Variants in ARHGAP24 observed in about 807,000 individuals in gnomAD.
ARHGAP24 encodes the protein rho GTPase-activating protein 24.
Under a neutral mutation model 76.4 loss-of-function variants are expected in ARHGAP24, and 50 were observed. The observed-to-expected ratio is 0.65, with a 90% CI of 0.52 to 0.83. The LOEUF is 0.83. Ranked by LOEUF, ARHGAP24 falls within the 40% of genes least tolerant of loss-of-function variation. The pLI is 0.00. For synonymous variants in ARHGAP24, 345 were observed against 323.3 expected, an observed-to-expected ratio of 1.07 and a Z score of -0.72; for missense variants, 930 against 914.2, an observed-to-expected ratio of 1.02 and a Z score of -0.22.
intron 1 of ARHGAP24, among the ~76,000 whole-genome samples, chr4:85,497,373 A>C (rs887391363): frequency 6.6e-6 from 1 of 152,204 alleles, no homozygotes; most frequent in Non-Finnish European, 1.5e-5. Context: ...AATAATACTT[A>C]TTTCTCAGAA....
intron 2 of ARHGAP24, among the ~76,000 whole-genome samples, chr4:85,664,797 T>C (rs554744042): frequency 2.0e-5 from 3 of 152,294 alleles, no homozygotes; most frequent in Non-Finnish European, 4.4e-5. Flanking sequence ...GAGCAGGTTG[T>C]TCAGTTTCCA....
chr4:85,718,137 A>G (rs1040402403), intron 2 of ARHGAP24, among the ~76,000 whole-genome samples: 1 of 152,148 alleles, frequency 6.6e-6, no homozygotes, highest in Admixed American at 6.6e-5. Context: ...ACTTAGCTTC[A>G]TGGATGTTCT....
At chr4:85,646,788 G>A (rs1274988431) in intron 2 of ARHGAP24, among the ~76,000 whole-genome samples, 1 of 152,046 alleles carries the variant, frequency 6.6e-6, no homozygotes, top group Non-Finnish European at 1.5e-5. Flanking sequence ...GGCTAGTTGG[G>A]AAATTGAGGG....
intron 5 of ARHGAP24, among the ~76,000 whole-genome samples, chr4:85,968,534 A>G (rs1488632262): frequency 1.3e-5 from 2 of 152,184 alleles, no homozygotes; most frequent in African/African-American, 4.8e-5. Flanking sequence ...AATAGGAGAT[A>G]GAAGGCTAGA....
intron 1 of ARHGAP24, among the ~76,000 whole-genome samples, chr4:85,484,749 T>C (rs1255217036): frequency 6.6e-6 from 1 of 152,102 alleles, no homozygotes; most frequent in Non-Finnish European, 1.5e-5. Context: ...CCCGAGTAGC[T>C]GGGACTATAG....
At chr4:85,918,962 T>A (rs1467624360) in intron 3 of ARHGAP24, among the ~76,000 whole-genome samples, 1 of 152,144 alleles carries the variant, frequency 6.6e-6, no homozygotes, top group Non-Finnish European at 1.5e-5. Flanking sequence ...AGTAGTAGTA[T>A]TTAAAGATTA....
intron 2 of ARHGAP24, among the ~76,000 whole-genome samples, chr4:85,613,632 T>G (rs1043689105): frequency 5.3e-5 from 8 of 152,208 alleles, no homozygotes; most frequent in East Asian, 1.9e-4. Flanking sequence ...GTCCATTTTT[T>G]GGGGAATATT....
intron 8 of ARHGAP24, among the ~76,000 whole-genome samples, chr4:85,986,839 T>C (rs551824904): frequency 3.7e-4 from 57 of 152,250 alleles, no homozygotes; most frequent in African/African-American, 1.3e-3. Context: ...TAATGAGGCA[T>C]TGTGTAGAGT....
At chr4:85,894,454 T>C (rs1405626793) in intron 3 of ARHGAP24, among the ~76,000 whole-genome samples, 1 of 152,238 alleles carries the variant, frequency 6.6e-6, no homozygotes, top group Non-Finnish European at 1.5e-5. Flanking sequence ...TCTTCTCCTC[T>C]ACAGCTTAAT....
chr4:85,851,848 G>A (rs943944984), intron 3 of ARHGAP24, among the ~76,000 whole-genome samples: 1 of 152,200 alleles, frequency 6.6e-6, no homozygotes, highest in African/African-American at 2.4e-5. Flanking sequence ...CCCTTTGTGG[G>A]TATCCCAGCC....
intron 3 of ARHGAP24, among the ~76,000 whole-genome samples, chr4:85,805,976 A>G (rs1490496534): frequency 6.6e-6 from 1 of 152,210 alleles, no homozygotes; most frequent in East Asian, 1.9e-4. Flanking sequence ...CATGCATCCC[A>G]GGTTAAGTAT....
intron 2 of ARHGAP24, among the ~76,000 whole-genome samples, chr4:85,596,226 C>A (rs181357250): frequency 6.6e-6 from 1 of 151,886 alleles, no homozygotes; most frequent in Admixed American, 6.6e-5. Context: ...TTTTATGAGT[C>A]CAGTTTTATC....
At chr4:85,846,472 C>G (rs1730891483) in intron 3 of ARHGAP24, among the ~76,000 whole-genome samples, 1 of 152,138 alleles carries the variant, frequency 6.6e-6, no homozygotes, top group African/African-American at 2.4e-5. Flanking sequence ...TAAAATAAGT[C>G]AAACAGTACA....
intron 2 of ARHGAP24, among the ~76,000 whole-genome samples, chr4:85,675,978 C>T (rs1233960325): frequency 6.6e-6 from 1 of 152,138 alleles, no homozygotes; most frequent in Non-Finnish European, 1.5e-5. Context: ...CTGTCTCCCA[C>T]TGTGAGGTAA....
intron 2 of ARHGAP24, among the ~76,000 whole-genome samples, chr4:85,673,305 C>T (rs1423156094): frequency 6.6e-6 from 1 of 152,050 alleles, no homozygotes; most frequent in African/African-American, 2.4e-5. Flanking sequence ...TCAAGGTGTC[C>T]CCACTCACCT....
chr4:85,533,604 A>G (rs772143159), intron 1 of ARHGAP24, among the ~76,000 whole-genome samples: 19 of 152,106 alleles, frequency 1.2e-4, no homozygotes, highest in Non-Finnish European at 2.1e-4. Flanking sequence ...AGTAAGGGGT[A>G]TTCTCCCTCA....
rs1226530739 is a variant in ARHGAP24 at position 85,987,217 on chromosome 4, T to C, written c.929-7366T>C. On this transcript the variant is annotated intron_variant, in intron 8 of 9. Coordinates refer to ENST00000395184, the MANE Select transcript of ARHGAP24 (RefSeq NM_001025616.3). ...TTAAAAAGGCGGTGGAGAGGAGGTA[T>C]ATAGGAACCGTCTGTACTTTCTGCT... Among the ~76,000 whole-genome samples, 5 of 152,204 alleles carry C rather than the reference T, an allele frequency of 3.3e-5. No homozygotes were observed. In the Middle Eastern group the frequency reaches 0.014, roughly 414 times the overall value.
chr4:85,516,775 G>A (rs1457802920), intron 1 of ARHGAP24, among the ~76,000 whole-genome samples: 2 of 151,826 alleles, frequency 1.3e-5, no homozygotes, highest in Non-Finnish European at 2.9e-5. Flanking sequence ...AGAAGTTTCT[G>A]CCTCCCTGCC....
At chr4:85,563,674 C>T (rs1726688159) in intron 1 of ARHGAP24, among the ~76,000 whole-genome samples, 1 of 152,188 alleles carries the variant, frequency 6.6e-6, no homozygotes, top group East Asian at 1.9e-4. Flanking sequence ...TTGTGGGGCA[C>T]TAACTTCTGC....
Sources: allele counts gnomAD v4.1 joint callset (sites outside exome capture counted in the v4.1 genomes callset), GRCh38; gene constraint gnomAD v4.1.1; transcripts MANE v1.5; gene names NCBI Gene and HGNC (gene_info 2026-07-23, HGNC 2026-07-21).